Variants in LEMD3 observed in about 807,000 individuals in gnomAD.
LEMD3 encodes the protein inner nuclear membrane protein Man1.
LEMD3 carries 33 observed loss-of-function variants against 95.2 expected under a neutral mutation model. The ratio of observed to expected loss-of-function variants is 0.35; its 90% CI spans 0.26 to 0.46. The LOEUF (loss-of-function observed/expected upper bound fraction) is 0.46, where lower values mean the gene tolerates loss of function less well. Ranked by LOEUF, LEMD3 falls within the 20% of genes least tolerant of loss-of-function variation. The pLI, the probability that LEMD3 is intolerant of heterozygous loss-of-function variation, is 1.00. For missense variants in LEMD3, 1,210 were observed against 1,192.8 expected (o/e 1.01, Z -0.21); for synonymous variants, 525 against 474.6 (o/e 1.11, Z -1.38).
rs371973575 is a variant in LEMD3 at position 65,245,450 on chromosome 12, C to T, written c.2388-219C>T. On this transcript the variant is annotated intron_variant, in intron 10 of 12. Coordinates refer to ENST00000308330, the MANE Select transcript of LEMD3 (RefSeq NM_014319.5). The stretch of plus-strand genomic sequence containing the variant: ...CACCGCGCCTGGCCAGCGCTCTGCA[C>T]TCTTTTACTGGAAAGTGGGAGGAGG... 14 of 526,544 alleles carry T rather than the reference C, an allele frequency of 2.7e-5. No individual in the cohort carries two copies. The South Asian group carries it at 2.9e-4, about 11-fold the overall frequency. 32.6% of individuals were successfully genotyped at this position (526,544 alleles called of 1,614,324 possible).
chr12:65,231,445 G>C (rs1870625581), intron 4 of LEMD3, among the ~76,000 whole-genome samples: 1 of 152,076 alleles, frequency 6.6e-6, no homozygotes, highest in Admixed American at 6.5e-5. Context: ...AGCACTTTGG[G>C]AGGCCAGGGC....
chr12:65,196,187 G>T (rs1242855445), intron 1 of LEMD3, among the ~76,000 whole-genome samples: 2 of 151,474 alleles, frequency 1.3e-5, no homozygotes, highest in Admixed American at 1.3e-4. Context: ...ATAGGCAGAG[G>T]ATGGGGTGGG....
intron 1 of LEMD3, among the ~76,000 whole-genome samples, chr12:65,208,205 G>C (rs1869822225): frequency 6.6e-6 from 1 of 152,108 alleles, no homozygotes; most frequent in Non-Finnish European, 1.5e-5. Context: ...CTAAAGTATT[G>C]AAGAAGAAAT....
intron 9 of LEMD3, 72 bp from the exon 10 acceptor site, chr12:65,243,316 G>T (rs2136356880): frequency 2.2e-6 from 2 of 928,166 alleles, no homozygotes; most frequent in East Asian, 2.4e-5. Flanking sequence ...TTTTTTGAAT[G>T]AACTGAATGA....
intron 2 of LEMD3, among the ~76,000 whole-genome samples, chr12:65,213,342 C>T (rs1870002312): frequency 6.6e-6 from 1 of 152,138 alleles, no homozygotes; most frequent in Non-Finnish European, 1.5e-5. Context: ...CCTCCCACCT[C>T]AGTCTCCTGA....
chr12:65,172,073 T>C (rs1868568433), intron 1 of LEMD3, among the ~76,000 whole-genome samples: 1 of 152,184 alleles, frequency 6.6e-6, no homozygotes. Context: ...TGAGCAGAGA[T>C]TAAGGCCTTG....
intron 1 of LEMD3, among the ~76,000 whole-genome samples, chr12:65,172,974 C>G (rs987580446): frequency 1.3e-5 from 2 of 152,078 alleles, no homozygotes; most frequent in African/African-American, 4.8e-5. Flanking sequence ...TTGCTTTACA[C>G]CTATTGTACC....
At chr12:65,221,996 G>A (rs1231464344) in intron 4 of LEMD3, among the ~76,000 whole-genome samples, 1 of 152,056 alleles carries the variant, frequency 6.6e-6, no homozygotes, top group Non-Finnish European at 1.5e-5. Context: ...ACCCACCTCG[G>A]CCTCCCAAAG....
chr12:65,198,432 A>G (rs943243194), intron 1 of LEMD3, among the ~76,000 whole-genome samples: 1 of 152,166 alleles, frequency 6.6e-6, no homozygotes, highest in African/African-American at 2.4e-5. Flanking sequence ...AATAAAAATT[A>G]CAAAAATAAT....
intron 2 of LEMD3, among the ~76,000 whole-genome samples, chr12:65,214,520 T>C (rs942089037): frequency 6.6e-6 from 1 of 151,976 alleles, no homozygotes; most frequent in African/African-American, 2.4e-5. Flanking sequence ...TTTTGATGAG[T>C]TTTCCTCTTA....
chr12:65,181,084 C>T (rs1458620471), intron 1 of LEMD3, among the ~76,000 whole-genome samples: 1 of 151,778 alleles, frequency 6.6e-6, no homozygotes, highest in Non-Finnish European at 1.5e-5. Flanking sequence ...AGGAATTCAC[C>T]AAGGTAAAAT....
intron 10 of LEMD3, among the ~76,000 whole-genome samples, chr12:65,243,831 A>G (rs566899851): frequency 3.9e-5 from 6 of 152,324 alleles, no homozygotes; most frequent in Admixed American, 1.3e-4. Flanking sequence ...ATATAGATAC[A>G]ATCACTGCTG....
chr12:65,200,754 A>G lies in LEMD3; in HGVS notation c.1523-10172A>G, dbSNP rs1222904936. Among the ~76,000 whole-genome samples, 5 of 152,218 alleles carry G rather than the reference A, an allele frequency of 3.3e-5. No individual in the cohort carries two copies. In the East Asian group the frequency reaches 5.8e-4, roughly 18 times the overall value. ...TCTTGCAAATATTTCCTGACAGTCTATGGCTTCTCTTTTTATTCTCTTAAC... is the reference window on the plus strand; with the variant it reads ...TCTTGCAAATATTTCCTGACAGTCTGTGGCTTCTCTTTTTATTCTCTTAAC... On this transcript the variant is annotated intron_variant, in intron 1 of 12. Transcript: ENST00000308330.
At chr12:65,199,593 A>C (rs1869532196) in intron 1 of LEMD3, among the ~76,000 whole-genome samples, 1 of 152,030 alleles carries the variant, frequency 6.6e-6, no homozygotes, top group South Asian at 2.1e-4. Flanking sequence ...TATATTAAAC[A>C]TCATTCTAAA....
At chr12:65,193,787 GC>G (rs1289848842) in intron 1 of LEMD3, among the ~76,000 whole-genome samples, 1 of 134,282 alleles carries the variant, frequency 7.4e-6, no homozygotes, top group Non-Finnish European at 1.6e-5. Flanking sequence ...GGGGGAGGGG[GC>G]CTCTCCTGCC....
intron 3 of LEMD3, among the ~76,000 whole-genome samples, chr12:65,217,818 T>G (rs1414546313): frequency 6.6e-6 from 1 of 152,188 alleles, no homozygotes; most frequent in Non-Finnish European, 1.5e-5. Context: ...TAACAATTTT[T>G]GTTTTTTAAG....
At chr12:65,211,251 G>C (rs1869929947) in intron 2 of LEMD3, among the ~76,000 whole-genome samples, 1 of 152,258 alleles carries the variant, frequency 6.6e-6, no homozygotes, top group South Asian at 2.1e-4. Flanking sequence ...CAAGTAAAAT[G>C]GGAGTGGCAT....
chr12:65,220,882 C>T (rs554127178), intron 4 of LEMD3, among the ~76,000 whole-genome samples: 7 of 152,238 alleles, frequency 4.6e-5, no homozygotes, highest in African/African-American at 1.7e-4. Context: ...GATCATACAT[C>T]AGTGGCTTTA....
chr12:65,231,163 G>A (rs866147805), intron 4 of LEMD3, among the ~76,000 whole-genome samples: 1 of 151,980 alleles, frequency 6.6e-6, no homozygotes, highest in South Asian at 2.1e-4. Flanking sequence ...TTAGGTTTAT[G>A]TATGTGTGTT....
Sources: gnomAD v4.1 joint callset for allele counts (sites outside exome capture counted in the v4.1 genomes callset) on GRCh38, gnomAD v4.1.1 for gene constraint, MANE v1.5 for transcripts, NCBI Gene and HGNC (gene_info 2026-07-23, HGNC 2026-07-21) for gene names.